EXOC3L2: variants seen among roughly 807,000 people sequenced by gnomAD.
EXOC3L2 encodes exocyst complex component 3-like protein 2.
EXOC3L2 carries 17 observed loss-of-function variants against 44.4 expected under a neutral mutation model. The observed-to-expected ratio is 0.38, with a 90% CI of 0.26 to 0.57. The LOEUF (loss-of-function observed/expected upper bound fraction) is 0.57, where lower values mean the gene tolerates loss of function less well. EXOC3L2 is among the 20% of genes least tolerant of loss of function. The probability of loss-of-function intolerance (pLI) is 0.65; values close to 1 mark genes in which losing one functional copy is unlikely to be tolerated. For synonymous variants in EXOC3L2, 256 were observed against 253.7 expected (o/e 1.01, Z -0.09); for missense variants, 541 against 588.4 (o/e 0.92, Z 0.83).
intron 8 of EXOC3L2, among the ~76,000 whole-genome samples, chr19:45,221,496 G>A (rs1009075554): frequency 3.3e-5 from 5 of 151,638 alleles, no homozygotes; most frequent in Admixed American, 2.0e-4. Flanking sequence ...CTACAGGCAC[G>A]TGCCACCATG....
At chr19:45,240,815 A>G (rs1488239614) in intron 1 of EXOC3L2, among the ~76,000 whole-genome samples, 2 of 151,904 alleles carry the variant, frequency 1.3e-5, no homozygotes, top group African/African-American at 4.8e-5. Flanking sequence ...GAGGCAGGAG[A>G]ATTGTTTGAA....
chr19:45,215,566 G>C (rs557562819), intron 11 of EXOC3L2, among the ~76,000 whole-genome samples: 1 of 150,146 alleles, frequency 6.7e-6, no homozygotes, highest in Non-Finnish European at 1.5e-5. Flanking sequence ...TATAGTCATG[G>C]ATGATGATGA....
chr19:45,216,126 C>T lies in EXOC3L2; in HGVS notation c.2067G>A (p.Thr689=), dbSNP rs890869883. The change falls in exon 11 of 12, where the codon ACG becomes ACA. Residue 689 remains threonine (T), a synonymous_variant. Transcript: ENST00000413988. The part of the protein sequence containing the change: ...HLAEVMQLED[T]PSIQVEVGVL... ...CTCCCACCTCCACCTGGATGCTGGG[C>T]GTGTCTTCCAGCTGCATGACTTCAG... is the stretch of plus-strand genomic sequence containing the variant. 9 of 1,613,874 alleles carry T rather than the reference C, an allele frequency of 5.6e-6. No homozygotes were observed. The East Asian group carries it at 1.3e-4, about 24-fold the overall frequency.
At chr19:45,239,584 G>T (rs1048830565) in intron 1 of EXOC3L2, among the ~76,000 whole-genome samples, 2 of 145,388 alleles carry the variant, frequency 1.4e-5, no homozygotes, top group Admixed American at 1.4e-4. Flanking sequence ...GCAGTGGCAC[G>T]ATCTCGGCTC....
intron 3 of EXOC3L2, among the ~76,000 whole-genome samples, chr19:45,232,653 C>T (rs894222991): frequency 6.6e-6 from 1 of 152,142 alleles, no homozygotes; most frequent in Non-Finnish European, 1.5e-5. Flanking sequence ...AGTCCATCCC[C>T]CGGCCACAAG....
intron 11 of EXOC3L2, among the ~76,000 whole-genome samples, chr19:45,215,258 C>T (rs772131429): frequency 3.3e-5 from 5 of 152,088 alleles, no homozygotes; most frequent in Non-Finnish European, 7.4e-5. Context: ...ATCACTTGAG[C>T]CCAGAAGTTC....
chr19:45,221,927 G>T (rs58213824), intron 8 of EXOC3L2, among the ~76,000 whole-genome samples: 12,731 of 151,868 alleles, frequency 0.084, 708 homozygotes, highest in African/African-American at 0.15. Context: ...TGGGATTACA[G>T]GTGTGAGCCA....
intron 1 of EXOC3L2, among the ~76,000 whole-genome samples, chr19:45,242,030 G>A (rs1370736714): frequency 6.6e-6 from 1 of 152,220 alleles, no homozygotes; most frequent in East Asian, 1.9e-4. Flanking sequence ...GAGGAGGAGG[G>A]TGAGTCGAGC....
At chr19:45,230,670 T>G (rs1409703865) in intron 4 of EXOC3L2, among the ~76,000 whole-genome samples, 3 of 152,128 alleles carry the variant, frequency 2.0e-5, no homozygotes, top group African/African-American at 7.2e-5. Flanking sequence ...TTTTATTGTC[T>G]TTTGGTCCCA....
chr19:45,226,270 C>T (rs1157032616), intron 7 of EXOC3L2, among the ~76,000 whole-genome samples: 31 of 152,040 alleles, frequency 2.0e-4, no homozygotes, highest in Admixed American at 2.0e-3. Context: ...GACTGTTCTC[C>T]ATTCGGCAAT....
At position 45,230,424 on chromosome 19, in the gene EXOC3L2, T is replaced by C. The variant is rs956671793; in HGVS notation, c.1269+1339A>G. On this transcript the variant is annotated intron_variant, in intron 4 of 11. Coordinates refer to ENST00000413988, the MANE Select transcript of EXOC3L2 (RefSeq NM_001382422.1). ...TACTAGAGACGGGGTTTCACTGTGT[T>C]AGCCAGGATGGTCTCAATCTCCTGA... Among the ~76,000 whole-genome samples the C allele has an allele frequency of 7.9e-5, 12 of 152,258 alleles. No homozygotes were observed. The South Asian group carries it at 2.3e-3, about 29-fold the overall frequency.
At chr19:45,243,652 T>C (rs540113023) in intron 1 of EXOC3L2, among the ~76,000 whole-genome samples, 2 of 152,274 alleles carry the variant, frequency 1.3e-5, no homozygotes, top group African/African-American at 4.8e-5. Context: ...TTTTTTCAGA[T>C]GGAGTCTCGC....
At chr19:45,241,286 C>G (rs1970129019) in intron 1 of EXOC3L2, among the ~76,000 whole-genome samples, 1 of 151,672 alleles carries the variant, frequency 6.6e-6, no homozygotes, top group Admixed American at 6.6e-5. Context: ...GTCAGGAGAT[C>G]GAGATCATGG....
At position 45,231,856 on chromosome 19, in the gene EXOC3L2, C is replaced by T. The variant is rs767821387; in HGVS notation, c.1176G>A (p.Val392=). ...QVYPREVLGL[V]DMAALENGEL... is the part of the protein sequence containing the mutation. ...CCCCATTCTCCAGGGCGGCCATGTC[C>T]ACCAGCCCTAGGACCTCTCTGGGGA... The change falls in exon 4 of 12, where the codon GTG becomes GTA. Residue 392 remains valine, a synonymous_variant. Coordinates refer to ENST00000413988, the MANE Select transcript of EXOC3L2 (RefSeq NM_001382422.1). The T allele has an allele frequency of 6.2e-7, 1 of 1,607,538 alleles. No homozygotes were observed. Among genetic ancestry groups the T allele is most frequent in the African/African-American group, 1.3e-5 (1 of 74,856 alleles).
intron 4 of EXOC3L2, among the ~76,000 whole-genome samples, chr19:45,228,946 C>G (rs1026020478): frequency 6.6e-6 from 1 of 151,726 alleles, no homozygotes; most frequent in Non-Finnish European, 1.5e-5. Flanking sequence ...TGGTGGGCGC[C>G]TGTAGTCCCA....
chr19:45,217,885 A>C (rs1306531704), intron 9 of EXOC3L2, among the ~76,000 whole-genome samples: 1 of 151,772 alleles, frequency 6.6e-6, no homozygotes, highest in African/African-American at 2.4e-5. Flanking sequence ...GCCCGCGGAC[A>C]GTCTCTGCCG....
chr19:45,214,882 G>A (rs997957651), intron 11 of EXOC3L2, among the ~76,000 whole-genome samples: 15 of 152,020 alleles, frequency 9.9e-5, no homozygotes, highest in Non-Finnish European at 2.1e-4. Context: ...TAGGCCAAGC[G>A]CAGTGGCTCA....
intron 8 of EXOC3L2, 79 bp from the exon 9 acceptor site, chr19:45,218,398 C>A: frequency 6.9e-7 from 1 of 1,457,402 alleles, no homozygotes; most frequent in South Asian, 1.4e-5. Context: ...TCCTGCAACC[C>A]TGCTCCGTGT....
intron 1 of EXOC3L2, among the ~76,000 whole-genome samples, chr19:45,240,549 G>A (rs1225196395): frequency 6.6e-6 from 1 of 152,114 alleles, no homozygotes; most frequent in African/African-American, 2.4e-5. Flanking sequence ...AGATAAAGGT[G>A]ATGGTTGTAC....
Sources: gnomAD v4.1 joint callset for allele counts (sites outside exome capture counted in the v4.1 genomes callset) on GRCh38, gnomAD v4.1.1 for gene constraint, MANE v1.5 for transcripts, NCBI Gene and HGNC (gene_info 2026-07-23, HGNC 2026-07-21) for gene names.